Variants in FN1 observed in about 807,000 individuals in gnomAD.
The protein encoded by FN1 is fibronectin.
In FN1, 106 loss-of-function variants were observed where a neutral mutation model predicts 297.3. That is an observed-to-expected ratio of 0.36 (90% CI 0.30 to 0.42). The LOEUF is 0.42. Among genes scored for constraint, FN1 ranks in the 10% least tolerant of loss-of-function variants. The pLI is 1.00. For missense variants in FN1, 2,690 were observed against 3,124.9 expected, an observed-to-expected ratio of 0.86 and a Z score of 3.32; for synonymous variants, 1,149 against 1,152.6, an observed-to-expected ratio of 1.00 and a Z score of 0.06.
At chr2:215,401,238 GAAAGAAAGAAAGGAAGAAAGA>G (rs1559475222) in intron 20 of FN1, among the ~76,000 whole-genome samples, 23 of 55,122 alleles carry the variant, frequency 4.2e-4, no homozygotes, top group East Asian at 2.0e-3. Flanking sequence ...AAGAAAGAAA[GAAAGAAAGAAAGGAAGAAAGA>G]AAGGAAGGAA....
chr2:215,388,545 G>A (rs1356269013), intron 26 of FN1, among the ~76,000 whole-genome samples: 2 of 152,180 alleles, frequency 1.3e-5, no homozygotes, highest in South Asian at 4.1e-4. Context: ...CTGTGAGTGT[G>A]ACTCAGCTGG....
chr2:215,379,427 T>TC (rs1446030559), intron 33 of FN1, 110 bp from the exon 34 acceptor site: 1 of 933,162 alleles, frequency 1.1e-6, no homozygotes, highest in Non-Finnish European at 1.7e-6. Context: ...CTAGGTGGGT[T>TC]CCCTGGTCAA....
At chr2:215,404,355 A>G in intron 20 of FN1, 34 bp downstream of exon 20, 1 of 1,589,668 alleles carries the variant, frequency 6.3e-7, no homozygotes, top group Non-Finnish European at 8.6e-7. Context: ...GAATGTAAAT[A>G]TAGTTAAGAA....
intron 20 of FN1, among the ~76,000 whole-genome samples, chr2:215,401,235 A>G (rs376944118): frequency 0.037 from 2,160 of 57,922 alleles, 70 homozygotes; most frequent in African/African-American, 0.084. Context: ...AGAAAGAAAG[A>G]AAGAAAGAAA....
Position 215,382,333 on chromosome 2 carries a change from G to A in FN1, c.5051-8C>T, listed in dbSNP as rs766256043. Reference sequence around the variant, plus strand: ...TAGTCATTTCTGTTTGATCTGCAAAGGGAGTGAAAAGCAAATGCAACATCC... The same window carrying A: ...TAGTCATTTCTGTTTGATCTGCAAAAGGAGTGAAAAGCAAATGCAACATCC... On this transcript the variant is annotated splice_region_variant and splice_polypyrimidine_tract_variant and intron_variant, in intron 31 of 45. Transcript: ENST00000354785. The A allele has an allele frequency of 2.0e-5, 31 of 1,583,302 alleles. No homozygotes were observed. The highest frequency in any genetic ancestry group is 2.5e-5 in the Non-Finnish European group (29 of 1,152,120).
chr2:215,375,749 G>A (rs769842901), intron 36 of FN1, 31 bp from the exon 37 acceptor site: 9 of 1,426,662 alleles, frequency 6.3e-6, no homozygotes, highest in Non-Finnish European at 8.9e-6. Context: ...ATTTTTAACA[G>A]TTCTTGCTTT....
chr2:215,404,358 G>T, intron 20 of FN1, 31 bp downstream of exon 20: 2 of 1,596,198 alleles, frequency 1.3e-6, no homozygotes, highest in Non-Finnish European at 1.7e-6. Context: ...TGTAAATATA[G>T]TTAAGAAAAG....
intron 20 of FN1, among the ~76,000 whole-genome samples, chr2:215,401,972 AC>A (rs1341101498): frequency 6.6e-6 from 1 of 151,724 alleles, no homozygotes; most frequent in Non-Finnish European, 1.5e-5. Context: ...GGGATGGGTG[AC>A]CCGATGCCTT....
chr2:215,430,270 C>T (rs2066264227), intron 5 of FN1, among the ~76,000 whole-genome samples: 1 of 152,212 alleles, frequency 6.6e-6, no homozygotes, highest in South Asian at 2.1e-4. Flanking sequence ...CCAAGACAAT[C>T]TTAGAAGGAG....
In FN1 at chr2:215,429,163, T is replaced by C. The variant is rs550229269; in HGVS notation, c.686-825A>G. The stretch of plus-strand genomic sequence containing the variant: ...GTAGTATCTCTTTCTTCATTTGTTA[T>C]GTAAAAAATGTAGAGGATGCACAAT... On this transcript the variant is annotated intron_variant, in intron 5 of 45. Coordinates refer to ENST00000354785, the MANE Select transcript of FN1 (RefSeq NM_212482.4). Among the ~76,000 whole-genome samples, 4 of 152,370 alleles carry C rather than the reference T, an allele frequency of 2.6e-5. No homozygotes were observed. In the East Asian group the frequency reaches 7.7e-4, roughly 29 times the overall value.
At chr2:215,385,248 T>TAAAAAAAAAAAAAAAAA (rs10542238) in intron 28 of FN1, among the ~76,000 whole-genome samples, 1 of 128,114 alleles carries the variant, frequency 7.8e-6, no homozygotes, top group Non-Finnish European at 1.6e-5. Context: ...ACAGAAAAGT[T>TAAAAAAAAAAAAAAAAA]AAAAAAAAAA....
intron 4 of FN1, among the ~76,000 whole-genome samples, chr2:215,431,419 G>T (rs1423091958): frequency 6.6e-6 from 1 of 152,150 alleles, no homozygotes; most frequent in Non-Finnish European, 1.5e-5. Context: ...AATTTGAAAA[G>T]AAATGAGCAG....
At chr2:215,391,024 G>A (rs891280045) in intron 26 of FN1, among the ~76,000 whole-genome samples, 1 of 152,110 alleles carries the variant, frequency 6.6e-6, no homozygotes, top group Non-Finnish European at 1.5e-5. Context: ...TATAATGGTT[G>A]GGACTAGAAA....
chr2:215,384,987 AAG>A lies in FN1; in HGVS notation c.4613-13_4613-12del, dbSNP rs1491039159. 1 of 1,578,508 alleles carries A rather than the reference AAG, an allele frequency of 6.3e-7. No individual in the cohort carries two copies. Among genetic ancestry groups the A allele is most frequent in the South Asian group, 1.1e-5 (1 of 90,360 alleles). ...TCGGAACATCAGAAACTAGAAAAAA[AAG>A]GGAAACTTTTCACATCCGTAATTTT... On this transcript the variant is annotated splice_polypyrimidine_tract_variant and intron_variant, in intron 28 of 45. Transcript: ENST00000354785.
chr2:215,394,959 A>G (rs1405422762), intron 23 of FN1, among the ~76,000 whole-genome samples: 1 of 152,146 alleles, frequency 6.6e-6, no homozygotes, highest in East Asian at 1.9e-4. Context: ...GCTGGAGTGC[A>G]GCGGTGTGAT....
intron 1 of FN1, 128 bp from the exon 2 acceptor site, chr2:215,434,952 G>A: frequency 1.9e-6 from 2 of 1,054,972 alleles, no homozygotes; most frequent in Non-Finnish European, 2.8e-6. Flanking sequence ...TATATACAAT[G>A]ATGTCATTTC....
intron 18 of FN1, 60 bp from the exon 19 acceptor site, chr2:215,406,570 C>A: frequency 1.9e-6 from 3 of 1,567,906 alleles, no homozygotes; most frequent in Non-Finnish European, 1.7e-6. Flanking sequence ...TTTTAAGAAG[C>A]CAGTTTCTTG....
intron 33 of FN1, 23 bp from the exon 34 acceptor site, chr2:215,379,340 G>A: frequency 6.2e-7 from 1 of 1,608,826 alleles, no homozygotes; most frequent in Non-Finnish European, 8.5e-7. Flanking sequence ...TCATTGGTTA[G>A]AGGTTATCTT....
At chr2:215,408,003 T>G in intron 17 of FN1, 105 bp downstream of exon 17, 9 of 750,632 alleles carry the variant, frequency 1.2e-5, no homozygotes, top group East Asian at 3.1e-5. Flanking sequence ...ATAAATTATA[T>G]TGGAGATTTA....
Sources: gnomAD v4.1 joint callset for allele counts (sites outside exome capture counted in the v4.1 genomes callset) on GRCh38, gnomAD v4.1.1 for gene constraint, MANE v1.5 for transcripts, NCBI Gene and HGNC (gene_info 2026-07-23, HGNC 2026-07-21) for gene names.